MCCC1: variants seen among roughly 807,000 people sequenced by gnomAD.
MCCC1 encodes methylcrotonoyl-CoA carboxylase subunit alpha, mitochondrial.
MCCC1 carries 64 observed loss-of-function variants against 83.8 expected under a neutral mutation model. That is an observed-to-expected ratio of 0.76 (90% confidence interval 0.62 to 0.94). MCCC1 has a LOEUF of 0.94. Ranked by LOEUF, MCCC1 falls within the 40% of genes least tolerant of loss-of-function variation. MCCC1 has a pLI of 0.00. For missense variants in MCCC1, 807 were observed against 904.7 expected (o/e 0.89, Z 1.39); for synonymous variants, 322 against 315.4 (o/e 1.02, Z -0.22).
At chr3:183,099,696 C>G (rs1277484103), upstream of MCCC1, 3 of 586,230 alleles carry the variant, frequency 5.1e-6, no homozygotes, top group Non-Finnish European at 9.1e-6. Flanking sequence ...TTCTGCGTCC[C>G]CTGGGGCCTG....
At chr3:183,093,048 C>T (rs1202477061) in intron 2 of MCCC1, among the ~76,000 whole-genome samples, 1 of 152,058 alleles carries the variant, frequency 6.6e-6, no homozygotes. Context: ...TGCCTGCCAC[C>T]ACGCCTGGCT....
chr3:183,049,813 T>C (rs1003526994), intron 9 of MCCC1, among the ~76,000 whole-genome samples: 5 of 152,136 alleles, frequency 3.3e-5, no homozygotes, highest in African/African-American at 1.2e-4. Context: ...CTGTCAAAAC[T>C]CCTACAAGAA....
rs1502762 is a variant in MCCC1 at position 183,045,792 on chromosome 3, G to A, written c.956-252C>T. On this transcript the variant is annotated intron_variant, in intron 9 of 18. Transcript: ENST00000265594. ...AATGGTAAGCCCAAATTATGAATCC[G>A]TTTCAGCTTGTAACAGTGAGAACAA... Among the ~76,000 whole-genome samples, 94,737 of 152,070 alleles carry A rather than the reference G, an allele frequency of 0.62. 33,259 individuals are homozygous for A. The highest frequency in any genetic ancestry group is 0.79 in the Non-Finnish European group (53,650 of 68,002).
intron 18 of MCCC1, 52 bp from the exon 19 acceptor site, chr3:183,015,618 G>A: frequency 6.2e-7 from 1 of 1,610,026 alleles, no homozygotes; most frequent in South Asian, 1.1e-5. Context: ...AATGAGGACT[G>A]AGTATACACC....
chr3:183,094,522 A>G, intron 2 of MCCC1, 37 bp downstream of exon 2: 1 of 1,609,148 alleles, frequency 6.2e-7, no homozygotes, highest in South Asian at 1.1e-5. Context: ...TTCCAGTCTG[A>G]AGCAAAATCA....
chr3:183,100,100 T>C (rs1719066602), upstream of MCCC1, among the ~76,000 whole-genome samples: 1 of 152,116 alleles, frequency 6.6e-6, no homozygotes, highest in Non-Finnish European at 1.5e-5. Flanking sequence ...AGGAAACCAG[T>C]GTCAAAGGAC....
At chr3:183,097,196 C>T (rs904493380) in intron 1 of MCCC1, among the ~76,000 whole-genome samples, 2 of 151,974 alleles carry the variant, frequency 1.3e-5, no homozygotes, top group Non-Finnish European at 2.9e-5. Flanking sequence ...GCCGAGATTG[C>T]GCCACTGCAG....
chr3:183,104,570 C>T (rs555506023), intron 1 of MCCC1, among the ~76,000 whole-genome samples: 2 of 152,248 alleles, frequency 1.3e-5, no homozygotes, highest in South Asian at 2.1e-4. Context: ...AATTTTGCAA[C>T]TCTTATCACA....
At chr3:183,020,084 G>A (rs374581508) in intron 17 of MCCC1, 46 bp downstream of exon 17, 42 of 1,406,756 alleles carry the variant, frequency 3.0e-5, no homozygotes, top group African/African-American at 2.7e-4. Context: ...ACAAAGCCAC[G>A]TATTAAAACT....
chr3:183,106,032 T>C (rs113134921), intron 1 of MCCC1, among the ~76,000 whole-genome samples: 4,993 of 139,816 alleles, frequency 0.036, 289 homozygotes, highest in African/African-American at 0.12. Context: ...GAGGTTGCAG[T>C]GAGCCCAGAT....
At position 183,024,524 on chromosome 3, in the gene MCCC1, A is replaced by AAG. The variant is rs369390981; in HGVS notation, c.1731+1229_1731+1230dup. On this transcript the variant is annotated intron_variant, in intron 15 of 18. Transcript: ENST00000265594. ...AAGATATACAAATGGCCAATAAGTA[A>AAG]AGATGCTCAACATCATTAGTCATTA... 4.5e-3 allele frequency among the ~76,000 whole-genome samples: 681 copies of AAG among 152,316 alleles called. 4 individuals are homozygous for AAG. Among genetic ancestry groups the AAG allele is most frequent in the African/African-American group, 0.016 (653 of 41,566 alleles).
chr3:183,052,596 C>G (rs1219859993), intron 8 of MCCC1, among the ~76,000 whole-genome samples: 2 of 152,176 alleles, frequency 1.3e-5, no homozygotes, highest in East Asian at 3.9e-4. Context: ...ATCACAAGGT[C>G]AGGAGATTGA....
chr3:183,091,059 T>C (rs769884703), intron 3 of MCCC1: 3 of 456,412 alleles, frequency 6.6e-6, no homozygotes, highest in South Asian at 4.6e-5. Context: ...GAGGGAGAAT[T>C]GGAGGTTGGA....
intron 9 of MCCC1, among the ~76,000 whole-genome samples, chr3:183,049,682 G>C (rs746153966): frequency 5.9e-5 from 9 of 151,800 alleles, no homozygotes; most frequent in Admixed American, 2.0e-4. Flanking sequence ...GGAACAAAAA[G>C]AGGTCTATTA....
rs1039270944 is a variant in MCCC1 at position 183,064,505 on chromosome 3, G to A, written c.761+6494C>T. On this transcript the variant is annotated intron_variant, in intron 7 of 18. Coordinates refer to ENST00000265594, the MANE Select transcript of MCCC1 (RefSeq NM_020166.5). This position sits in a 1 kb window ranked among gnomAD's most constrained non-coding sequence, Gnocchi z 4.5. ...CTTCTGGGACGGGCAGAAGCCCCGCGCCCCTGCCTGCACCCCGCGCGCCTG... is the reference window on the plus strand; with the variant it reads ...CTTCTGGGACGGGCAGAAGCCCCGCACCCCTGCCTGCACCCCGCGCGCCTG... Among the ~76,000 whole-genome samples, 15 of 152,232 alleles carry A rather than the reference G, an allele frequency of 9.9e-5. No individual in the cohort carries two copies. The East Asian group carries it at 2.7e-3, about 27-fold the overall frequency.
chr3:183,083,958 TTC>T (rs1195354972), intron 4 of MCCC1, among the ~76,000 whole-genome samples: 1 of 152,276 alleles, frequency 6.6e-6, no homozygotes, highest in Non-Finnish European at 1.5e-5. Flanking sequence ...GTTTAATCCT[TTC>T]TCTTTCAATG....
Position 183,037,865 on chromosome 3 carries a change from A to T in MCCC1, c.1378-431T>A, listed in dbSNP as rs147530128. On this transcript the variant is annotated intron_variant, in intron 12 of 18. Transcript: ENST00000265594. ...GCTGGATTGCTATACTGGGGAGAGG[A>T]TAGGATTAAATGCCCTCAAAAGAGC... Among the ~76,000 whole-genome samples, 603 of 152,350 alleles carry T rather than the reference A, an allele frequency of 4.0e-3. 2 individuals carry two copies. The highest frequency in any genetic ancestry group is 0.014 in the African/African-American group (581 of 41,592).
intron 18 of MCCC1, among the ~76,000 whole-genome samples, chr3:183,016,690 C>T (rs1007001016): frequency 6.6e-6 from 1 of 152,200 alleles, no homozygotes; most frequent in Non-Finnish European, 1.5e-5. Context: ...GGAGCATATT[C>T]AACGTGTATG....
intron 17 of MCCC1, among the ~76,000 whole-genome samples, chr3:183,018,727 TCTTCCCCAGAGAG>T (rs1330668245): frequency 6.6e-6 from 1 of 152,216 alleles, no homozygotes; most frequent in East Asian, 1.9e-4. Context: ...TACTTAAATG[TCTTCCCCAGAGAG>T]GGAAGAGGGA....
Sources: gnomAD v4.1 joint callset for allele counts (sites outside exome capture counted in the v4.1 genomes callset) on GRCh38, gnomAD v4.1.1 for gene constraint, Gnocchi (gnomAD v3.1) non-coding constraint, MANE v1.5 for transcripts, NCBI Gene and HGNC (gene_info 2026-07-23, HGNC 2026-07-21) for gene names.